CDH20: variants seen among roughly 807,000 people sequenced by gnomAD.
CDH20 encodes cadherin-20.
In CDH20, 29 loss-of-function variants were observed where a neutral mutation model predicts 74.2. The ratio of observed to expected loss-of-function variants is 0.39; its 90% CI spans 0.29 to 0.53. The LOEUF is 0.53. Among genes scored for constraint, CDH20 ranks in the 20% least tolerant of loss-of-function variants. The pLI, the probability that CDH20 is intolerant of heterozygous loss-of-function variation, is 0.69. For missense variants in CDH20, 988 were observed against 1,048.3 expected, an observed-to-expected ratio of 0.94 and a Z score of 0.79; for synonymous variants, 469 against 405.4, an observed-to-expected ratio of 1.16 and a Z score of -1.88.
intron 1 of CDH20, among the ~76,000 whole-genome samples, chr18:61,474,792 TG>T (rs1910308464): frequency 6.6e-6 from 1 of 151,772 alleles, no homozygotes; most frequent in African/African-American, 2.4e-5. Flanking sequence ...ATGACCAGAG[TG>T]GCAGGGGGCA....
At chr18:61,364,726 C>T (rs1392097611) in intron 1 of CDH20, among the ~76,000 whole-genome samples, 2 of 152,216 alleles carry the variant, frequency 1.3e-5, no homozygotes, top group African/African-American at 4.8e-5. Flanking sequence ...TCTCCTTCCC[C>T]TTCCACAATG....
intron 1 of CDH20, among the ~76,000 whole-genome samples, chr18:61,370,678 A>C (rs1372138719): frequency 6.6e-6 from 1 of 152,108 alleles, no homozygotes; most frequent in African/African-American, 2.4e-5. Context: ...GCAAATTTCA[A>C]GTATACAACA....
At chr18:61,519,233 C>A (rs1316506791) in intron 6 of CDH20, among the ~76,000 whole-genome samples, 1 of 151,258 alleles carries the variant, frequency 6.6e-6, no homozygotes, top group Admixed American at 6.6e-5. Context: ...CCCAACCTAG[C>A]AAGATAGGCC....
intron 5 of CDH20, 30 bp downstream of exon 5, chr18:61,503,150 C>T (rs200283458): frequency 1.3e-6 from 2 of 1,531,858 alleles, no homozygotes; most frequent in African/African-American, 1.4e-5. Flanking sequence ...GAGCACAGAC[C>T]TCGGGCCCAG....
chr18:61,421,786 G>GGATA (rs746011621), intron 1 of CDH20, among the ~76,000 whole-genome samples: 9 of 152,088 alleles, frequency 5.9e-5, no homozygotes, highest in African/African-American at 7.2e-5. Context: ...TAAACCAGAT[G>GGATA]GATAGATAGA....
intron 1 of CDH20, among the ~76,000 whole-genome samples, chr18:61,460,015 T>G (rs1005336789): frequency 6.6e-6 from 1 of 152,192 alleles, no homozygotes; most frequent in Non-Finnish European, 1.5e-5. Flanking sequence ...TTGGAACAAT[T>G]TGACCTTCTT....
At chr18:61,338,302 CT>C (rs796351869) in intron 1 of CDH20, among the ~76,000 whole-genome samples, 93 of 149,388 alleles carry the variant, frequency 6.2e-4, no homozygotes, top group South Asian at 3.4e-3. Flanking sequence ...GAATTTTATT[CT>C]TTTTTTTTTA....
At position 61,504,304 on chromosome 18, in the gene CDH20, A is replaced by G. The variant is rs562656911; in HGVS notation, c.829+1184A>G. Among the ~76,000 whole-genome samples the G allele has an allele frequency of 4.6e-5, 7 of 152,290 alleles. No individual in the cohort carries two copies. The South Asian group carries it at 1.5e-3, about 32-fold the overall frequency. On this transcript the variant is annotated intron_variant, in intron 5 of 11. Coordinates refer to ENST00000262717, the MANE Select transcript of CDH20 (RefSeq NM_031891.4). ...GCTAAGGACTTAAGGAAATAGCAGG[A>G]TGAGTGGAATGGGACAAATGAGGAA...
At chr18:61,352,988 G>C (rs1910360453) in intron 1 of CDH20, among the ~76,000 whole-genome samples, 1 of 152,110 alleles carries the variant, frequency 6.6e-6, no homozygotes, top group African/African-American at 2.4e-5. Context: ...TGATATAATA[G>C]CTCTTCAAAC....
chr18:61,350,340 T>G (rs1390378), intron 1 of CDH20, among the ~76,000 whole-genome samples: 147,624 of 151,984 alleles, frequency 0.97, 71,834 homozygotes, highest in Middle Eastern at 1. Flanking sequence ...CTTCCTTTTT[T>G]CAGGACATTT....
At position 61,554,790 on chromosome 18, in the gene CDH20, T is replaced by C; in HGVS notation, c.*95T>C. 1.4e-6 allele frequency: 2 copies of C among 1,446,508 alleles called. No homozygotes were observed. Among genetic ancestry groups the C allele is most frequent in the Non-Finnish European group, 1.8e-6 (2 of 1,100,682 alleles). 89.6% of individuals were successfully genotyped at this position (1,446,508 alleles called of 1,614,324 possible). ...GCCAACCACACGAGCAATACTGTGC[T>C]GGAGAGTGAGAATGGGGGTGAGCAG... On this transcript the variant is annotated 3_prime_UTR_variant, in exon 12 of 12. Transcript: ENST00000262717.
At chr18:61,407,867 C>T (rs899558301) in intron 1 of CDH20, among the ~76,000 whole-genome samples, 3 of 152,130 alleles carry the variant, frequency 2.0e-5, no homozygotes, top group Non-Finnish European at 4.4e-5. Context: ...TAATGTGGGT[C>T]ATTGGATTGT....
chr18:61,520,048 G>A (rs1912140539), intron 6 of CDH20, among the ~76,000 whole-genome samples: 1 of 150,848 alleles, frequency 6.6e-6, no homozygotes, highest in Non-Finnish European at 1.5e-5. Context: ...CAGGCGTGGT[G>A]GCTCACTCCT....
rs1343613549 is a variant in CDH20, at chr18:61,554,253, A to T, written c.1964A>T (p.Glu655Val). The change falls in exon 12 of 12, where the codon GAG becomes GTG. Residue 655 changes from glutamate to valine, a missense_variant. Glu to Val is a moderately radical substitution (Grantham distance 121, BLOSUM62 -2). Around this residue, in one of 2 missense-constraint regions of CDH20, gnomAD observed 375 missense variants for 293.1 expected, o/e 1.28. Coordinates refer to ENST00000262717, the MANE Select transcript of CDH20 (RefSeq NM_031891.4). Reference protein sequence around the residue: ...HRKQPYIIDDEENIHENIVRY... With the variant: ...HRKQPYIIDDVENIHENIVRY... Reference sequence around the variant, plus strand: ...AAACAACCATACATCATCGACGACGAGGAAAACATCCACGAGAACATCGTC... The same window carrying T: ...AAACAACCATACATCATCGACGACGTGGAAAACATCCACGAGAACATCGTC... The T allele has an allele frequency of 6.2e-7, 1 of 1,614,052 alleles. No individual in the cohort carries two copies. Among genetic ancestry groups the T allele is most frequent in the Non-Finnish European group, 8.5e-7 (1 of 1,180,008 alleles).
At chr18:61,526,089 G>A (rs1267703886) in intron 6 of CDH20, among the ~76,000 whole-genome samples, 2 of 146,568 alleles carry the variant, frequency 1.4e-5, no homozygotes, top group Non-Finnish European at 3.0e-5. Flanking sequence ...AGGCTTACAG[G>A]CATGAACCAC....
intron 2 of CDH20, among the ~76,000 whole-genome samples, chr18:61,492,634 G>A (rs1910999200): frequency 6.6e-6 from 1 of 152,152 alleles, no homozygotes; most frequent in South Asian, 2.1e-4. Context: ...CCTACAACCT[G>A]TCAAGCACTG....
intron 8 of CDH20, among the ~76,000 whole-genome samples, chr18:61,538,712 G>A (rs1599156078): frequency 6.9e-6 from 1 of 144,488 alleles, no homozygotes; most frequent in Admixed American, 7.2e-5. Context: ...TCCACCTCCC[G>A]GGTTCACGCC....
intron 1 of CDH20, among the ~76,000 whole-genome samples, chr18:61,404,198 C>T (rs182538557): frequency 2.6e-4 from 40 of 152,204 alleles, no homozygotes; most frequent in Non-Finnish European, 4.4e-4. Flanking sequence ...GCACGTCCTG[C>T]ACATGTATCC....
At chr18:61,453,262 G>A (rs574063252) in intron 1 of CDH20, among the ~76,000 whole-genome samples, 8 of 152,104 alleles carry the variant, frequency 5.3e-5, no homozygotes, top group Non-Finnish European at 8.8e-5. Flanking sequence ...ACCACATGAG[G>A]CCTAATCTTT....
Sources: allele counts gnomAD v4.1 joint callset (sites outside exome capture counted in the v4.1 genomes callset), GRCh38; gene constraint gnomAD v4.1.1; regional missense constraint gnomAD v4.1.1; transcripts MANE v1.5; gene names NCBI Gene and HGNC (gene_info 2026-07-23, HGNC 2026-07-21).